SGO1: variants seen among roughly 807,000 people sequenced by gnomAD.
The protein encoded by SGO1 is serologically defined breast cancer antigen NY-BR-85.
Under a neutral mutation model 50.5 loss-of-function variants are expected in SGO1, and 39 were observed. That is an observed-to-expected ratio of 0.77 (90% CI 0.60 to 1.01). The LOEUF is 1.01. SGO1 is among the 50% of genes least tolerant of loss of function. SGO1 has a pLI of 0.00. For synonymous variants in SGO1, 191 were observed against 205.1 expected (o/e 0.93, Z 0.59); for missense variants, 638 against 606.0 (o/e 1.05, Z -0.55).
chr3:20,181,491 T>C (rs911310626), intron 3 of SGO1, among the ~76,000 whole-genome samples: 1 of 152,222 alleles, frequency 6.6e-6, no homozygotes, highest in East Asian at 1.9e-4. Context: ...AATTAGTACA[T>C]AGCAGAAAAT....
chr3:20,170,892 T>C (rs1700654684), intron 7 of SGO1, 77 bp from the exon 8 acceptor site: 2 of 1,517,818 alleles, frequency 1.3e-6, no homozygotes, highest in Admixed American at 2.4e-5. Flanking sequence ...CAAGTTATGG[T>C]AAAACACACC....
chr3:20,162,553 A>G (rs1353619901), intron 8 of SGO1, among the ~76,000 whole-genome samples: 2 of 152,190 alleles, frequency 1.3e-5, no homozygotes, highest in African/African-American at 2.4e-5. Context: ...AAAATTCCCA[A>G]TATACAGTAT....
At position 20,183,764 on chromosome 3, in the gene SGO1, G is replaced by GTTTGTTTGT; in HGVS notation, c.182_183insACAAACAAA (p.Asn60_Asn61insLysGlnThr). 6.2e-7 allele frequency: 1 copy of GTTTGTTTGT among 1,612,082 alleles called. No individual in the cohort carries two copies. The highest frequency in any genetic ancestry group is 8.5e-7 in the Non-Finnish European group (1 of 1,179,522). ...TTTCCAAAGCTAAAACTAACATTTTGTTGTTGTCTTGGTAATTTTTCAGCA... is the reference window on the plus strand; with the variant it reads ...TTTCCAAAGCTAAAACTAACATTTTGTTTGTTTGTTTGTTGTCTTGGTAATTTTTCAGCA... On this transcript the variant is annotated inframe_insertion, in exon 3 of 8. Coordinates refer to ENST00000412997, the MANE Select transcript of SGO1 (RefSeq NM_001199251.3).
At position 20,183,685 on chromosome 3, in the gene SGO1, C is replaced by T. The variant is rs1333969765; in HGVS notation, c.262G>A (p.Glu88Lys). 2.5e-6 allele frequency: 4 copies of T among 1,612,408 alleles called. No individual in the cohort carries two copies. Among genetic ancestry groups the T allele is most frequent in the Non-Finnish European group, 3.4e-6 (4 of 1,179,590 alleles). The change falls in exon 3 of 8, where the codon GAA (glutamate) becomes AAA (lysine). Residue 88 changes from glutamate to lysine, a missense_variant. Coordinates refer to ENST00000412997, the MANE Select transcript of SGO1 (RefSeq NM_001199251.3). ...AGCTGACATGTGAGATAGTAACATT[C>T]TTTTCTCAGCTGTAGGATGATATCT... ...AQDIILQLRK[E>K]CYYLTCQLYA...
downstream of SGO1, among the ~76,000 whole-genome samples, chr3:20,168,307 G>C (rs1475783722): frequency 6.6e-6 from 1 of 152,062 alleles, no homozygotes; most frequent in Non-Finnish European, 1.5e-5. Flanking sequence ...TTTTGGTAAA[G>C]ACCAGAAAGT....
intron 6 of SGO1, among the ~76,000 whole-genome samples, chr3:20,171,752 G>A (rs527785987): frequency 1.3e-5 from 2 of 152,170 alleles, no homozygotes; most frequent in African/African-American, 4.8e-5. Flanking sequence ...TTATAAAGCC[G>A]CTAAAACTCC....
At chr3:20,168,694 G>C (rs981410076), downstream of SGO1, among the ~76,000 whole-genome samples, 2 of 150,434 alleles carry the variant, frequency 1.3e-5, no homozygotes, top group Non-Finnish European at 2.9e-5. Flanking sequence ...CCAGGCTGGA[G>C]TGCAGTGGCA....
At chr3:20,160,983 C>T in exon 9 of SGO1, 1 of 1,432,744 alleles carries the variant, frequency 7.0e-7, no homozygotes, top group East Asian at 2.4e-5. Flanking sequence ...CTGAGTGAAA[C>T]AGACTGTCAA....
chr3:20,164,312 A>T (rs1700186823), intron 8 of SGO1, among the ~76,000 whole-genome samples: 1 of 152,212 alleles, frequency 6.6e-6, no homozygotes, highest in African/African-American at 2.4e-5. Context: ...CCATATTAAG[A>T]GAATAAAGGA....
At chr3:20,182,729 A>C (rs1024606581) in intron 3 of SGO1, among the ~76,000 whole-genome samples, 4 of 152,114 alleles carry the variant, frequency 2.6e-5, no homozygotes, top group African/African-American at 9.7e-5. Context: ...ATCAGATTAA[A>C]AATTTGAGGC....
chr3:20,165,651 A>G (rs1334645383), downstream of SGO1, among the ~76,000 whole-genome samples: 1 of 152,206 alleles, frequency 6.6e-6, no homozygotes, highest in Non-Finnish European at 1.5e-5. Flanking sequence ...GTTTCCACAG[A>G]GCAAAAAAAG....
At chr3:20,180,525 C>T (rs1036897578) in intron 3 of SGO1, among the ~76,000 whole-genome samples, 2 of 151,824 alleles carry the variant, frequency 1.3e-5, no homozygotes, top group Non-Finnish European at 2.9e-5. Flanking sequence ...AACAATATTC[C>T]AGGAATAAAG....
Position 20,174,236 on chromosome 3 carries a change from G to A in SGO1, c.1282+13C>T, listed in dbSNP as rs1427736498. On this transcript the variant is annotated intron_variant, in intron 6 of 7. Coordinates refer to ENST00000412997, the MANE Select transcript of SGO1 (RefSeq NM_001199251.3). ...GAACATTAAAAATACAGGTAAACAAGTAGATCACTTACTGGTAGGAGTTTT... is the reference window on the plus strand; with the variant it reads ...GAACATTAAAAATACAGGTAAACAAATAGATCACTTACTGGTAGGAGTTTT... 1.3e-6 allele frequency: 2 copies of A among 1,586,474 alleles called. No homozygotes were observed. The highest frequency in any genetic ancestry group is 1.3e-5 in the African/African-American group (1 of 74,196).
rs1253606148 is a variant in SGO1, at chr3:20,174,335, G to A, written c.1196C>T (p.Pro399Leu). 1.2e-6 allele frequency: 2 copies of A among 1,614,016 alleles called. No homozygotes were observed. Among genetic ancestry groups the A allele is most frequent in the Non-Finnish European group, 1.7e-6 (2 of 1,180,034 alleles). Residue 399 changes from proline (P) to leucine (L), a missense_variant, in exon 6 of 8, where the codon CCA (proline) becomes CTA (leucine). Physicochemically the swap from Pro to Leu is moderately conservative, Grantham distance 98 (BLOSUM62 -3). Coordinates refer to ENST00000412997, the MANE Select transcript of SGO1 (RefSeq NM_001199251.3). ...IQNPTSNSDR[P>L]VTRPLAKRAL... ...TCTTTTAGCTAGAGGCCTGGTGACT[G>A]GTCTATCTGAATTGCTCGTGGGATT...
downstream of SGO1, among the ~76,000 whole-genome samples, chr3:20,168,310 C>A (rs1325004497): frequency 6.6e-6 from 1 of 151,810 alleles, no homozygotes; most frequent in East Asian, 1.9e-4. Context: ...TGGTAAAGAC[C>A]AGAAAGTAAA....
chr3:20,184,926 C>CAA (rs60350092), intron 1 of SGO1, among the ~76,000 whole-genome samples: 1,702 of 149,888 alleles, frequency 0.011, 29 homozygotes, highest in African/African-American at 0.038. Context: ...CTTAAAATTG[C>CAA]AAAAAAAAAA....
downstream of SGO1, chr3:20,168,923 T>C (rs992417233): frequency 5.1e-5 from 50 of 984,986 alleles, no homozygotes; most frequent in South Asian, 9.4e-5. Flanking sequence ...GTTAGTAGTT[T>C]CTCGTGCCTG....
chr3:20,165,897 C>CA (rs1022728859), downstream of SGO1, among the ~76,000 whole-genome samples: 44 of 151,934 alleles, frequency 2.9e-4, no homozygotes, highest in African/African-American at 9.9e-4. Flanking sequence ...ACTAATAATA[C>CA]AAAAAATAGC....
downstream of SGO1, among the ~76,000 whole-genome samples, chr3:20,164,583 G>A (rs1266521483): frequency 6.6e-6 from 1 of 152,114 alleles, no homozygotes; most frequent in Non-Finnish European, 1.5e-5. Context: ...GTTCTAGTCA[G>A]TGCAGTAAAG....
Sources: allele counts gnomAD v4.1 joint callset (sites outside exome capture counted in the v4.1 genomes callset), GRCh38; gene constraint gnomAD v4.1.1; transcripts MANE v1.5; gene names NCBI Gene and HGNC (gene_info 2026-07-23, HGNC 2026-07-21).